The following TMTC3 variants were observed in gnomAD, a reference collection of about 807,000 sequenced individuals.
TMTC3 encodes the protein transmembrane O-mannosyltransferase targeting cadherins 3.
In TMTC3, 52 loss-of-function variants were observed where a neutral mutation model predicts 92.2. The ratio of observed to expected loss-of-function variants is 0.56; its 90% CI spans 0.45 to 0.71. The LOEUF is 0.71. Ranked by LOEUF, TMTC3 falls within the 30% of genes least tolerant of loss-of-function variation. The pLI is 0.00. For synonymous variants in TMTC3, 339 were observed against 363.3 expected, an observed-to-expected ratio of 0.93 and a Z score of 0.76; for missense variants, 896 against 1,057.1, an observed-to-expected ratio of 0.85 and a Z score of 2.11.
chr12:88,174,607 T>C lies in TMTC3; in HGVS notation c.1200T>C (p.Ser400=). The C allele has an allele frequency of 6.2e-7, 1 of 1,604,224 alleles. No homozygotes were observed. The highest frequency in any genetic ancestry group is 8.5e-7 in the Non-Finnish European group (1 of 1,177,022). The change falls in exon 9 of 14, where the codon AGT becomes AGC. Residue 400 remains serine (S), a splice_region_variant and synonymous_variant. Coordinates refer to ENST00000266712, the MANE Select transcript of TMTC3 (RefSeq NM_181783.4). ...GTTTTGCTTTTTTTCTCTTAAACAG[T>C]GTATTTAAAAAGCTATCCTGGATTT... is the stretch of plus-strand genomic sequence containing the variant. ...AHGWQKISTK[S]VFKKLSWICL...
At chr12:88,164,985 A>C (rs1162716545) in intron 6 of TMTC3, among the ~76,000 whole-genome samples, 3 of 152,100 alleles carry the variant, frequency 2.0e-5, no homozygotes, top group African/African-American at 7.2e-5. Flanking sequence ...TTGTTTATAT[A>C]AGACTTCGGA....
intron 8 of TMTC3, chr12:88,173,220 G>T: frequency 3.8e-6 from 2 of 521,996 alleles, no homozygotes; most frequent in Non-Finnish European, 2.9e-6. Context: ...GAACAGCATA[G>T]TCACACTGTA....
intron 10 of TMTC3, among the ~76,000 whole-genome samples, chr12:88,180,318 G>A (rs181772659): frequency 6.6e-6 from 1 of 152,120 alleles, no homozygotes; most frequent in Non-Finnish European, 1.5e-5. Flanking sequence ...AACCCCACTG[G>A]GGGTATGTTA....
At chr12:88,185,348 T>A (rs546826910) in intron 10 of TMTC3, among the ~76,000 whole-genome samples, 1 of 152,082 alleles carries the variant, frequency 6.6e-6, no homozygotes, top group Non-Finnish European at 1.5e-5. Context: ...CTCTTTTTTT[T>A]TTTTCTTGGC....
In TMTC3 at chr12:88,195,697, CAT is replaced by C. The variant is rs1392944455; in HGVS notation, c.*49_*50del. The C allele has an allele frequency of 2.7e-6, 4 of 1,470,572 alleles. No homozygotes were observed. The highest frequency in any genetic ancestry group is 1.4e-5 in the African/African-American group (1 of 70,548). The allele number at this position is 1,470,572 out of a possible 1,614,324, so 91.1% of individuals were successfully genotyped here. A position where few individuals can be genotyped will look rare whatever the true frequency, so the allele number is the denominator to read the frequency against. On this transcript the variant is annotated 3_prime_UTR_variant, in exon 14 of 14. Transcript: ENST00000266712. ...GGTATCAAAGAACATCAATCCGTAT[CAT>C]GTGATTGCTTTTACTGGGAGCTTTG...
rs534360895 is a variant in TMTC3 at position 88,158,010 on chromosome 12, C to T, written c.509-2104C>T. ...TACTGAGAAGCTCTGACTTTAAAAT[C>T]AGAAGAACCATGTTAAAGTCTTGGT... On this transcript the variant is annotated intron_variant, in intron 4 of 13. Transcript: ENST00000266712. Among the ~76,000 whole-genome samples the T allele has an allele frequency of 1.1e-3, 162 of 152,234 alleles. 1 individual carries two copies. Among genetic ancestry groups the T allele is most frequent in the African/African-American group, 3.2e-3 (133 of 41,554 alleles).
intron 1 of TMTC3, among the ~76,000 whole-genome samples, chr12:88,144,812 T>G (rs2138349718): frequency 6.6e-6 from 1 of 152,310 alleles, no homozygotes; most frequent in South Asian, 2.1e-4. Context: ...TAAGTGTGAG[T>G]CAGGAAATTT....
At chr12:88,162,399 C>G (rs1319401080) in intron 6 of TMTC3, among the ~76,000 whole-genome samples, 2 of 152,038 alleles carry the variant, frequency 1.3e-5, no homozygotes, top group Non-Finnish European at 2.9e-5. Flanking sequence ...TTTTTGCCAT[C>G]TTTTCTTTTT....
At position 88,198,947 on chromosome 12, in the gene TMTC3, A is replaced by G. The variant is rs2041548581; in HGVS notation, c.*3298A>G. The G allele has an allele frequency of 1.3e-5, 2 of 152,166 alleles. No individual in the cohort carries two copies. The highest frequency in any genetic ancestry group is 4.8e-5 in the African/African-American group (2 of 41,462). 9.4% of individuals were successfully genotyped at this position (152,166 alleles called of 1,614,324 possible). On this transcript the variant is annotated 3_prime_UTR_variant, in exon 14 of 14. Coordinates refer to ENST00000266712, the MANE Select transcript of TMTC3 (RefSeq NM_181783.4). ...GAGAGTTTATAAGAAAATAATTTAAAATTGTATGCATTTTATATTACTATG... is the reference window on the plus strand; with the variant it reads ...GAGAGTTTATAAGAAAATAATTTAAGATTGTATGCATTTTATATTACTATG...
intron 10 of TMTC3, among the ~76,000 whole-genome samples, chr12:88,176,825 G>T (rs1264188883): frequency 6.6e-6 from 1 of 151,924 alleles, no homozygotes; most frequent in African/African-American, 2.4e-5. Context: ...TTAACATAGA[G>T]TTGTTGTGTG....
chr12:88,192,764 GCT>G lies in TMTC3; in HGVS notation c.1870_1871del (p.Leu624GlyfsTer7). The G allele has an allele frequency of 6.2e-7, 1 of 1,613,332 alleles. No individual in the cohort carries two copies. Among genetic ancestry groups the G allele is most frequent in the African/African-American group, 1.3e-5 (1 of 75,014 alleles). On this transcript the variant is annotated frameshift_variant, in exon 13 of 14. Coordinates refer to ENST00000266712, the MANE Select transcript of TMTC3 (RefSeq NM_181783.4). LOFTEE classifies it high-confidence loss of function. ...PNEALKNFNR[A>X]LELNPKHKLA... Reference sequence around the variant, plus strand: ...TGAAGCCCTAAAAAACTTTAATCGTGCTCTGGAACTAAATCCAAAGCATAAAC... The same window carrying G: ...TGAAGCCCTAAAAAACTTTAATCGTGCTGGAACTAAATCCAAAGCATAAAC...
rs1242396743 is a variant in TMTC3 at position 88,198,048 on chromosome 12, T to TAAAG, written c.*2402_*2405dup. 3 of 314,536 alleles carry TAAAG rather than the reference T, an allele frequency of 9.5e-6. No homozygotes were observed. The highest frequency in any genetic ancestry group is 1.7e-5 in the Non-Finnish European group (3 of 173,800). 19.5% of individuals were successfully genotyped at this position (314,536 alleles called of 1,614,324 possible). On this transcript the variant is annotated 3_prime_UTR_variant, in exon 14 of 14. Coordinates refer to ENST00000266712, the MANE Select transcript of TMTC3 (RefSeq NM_181783.4). ...TAAGTTTTGATGGTTTAAATTCCAC[T>TAAAG]AAAGAACATATTCTTCTAATAACTA... is the stretch of plus-strand genomic sequence containing the variant.
rs185497862 is a variant in TMTC3, at chr12:88,183,981, G to A, written c.1433-4862G>A. Among the ~76,000 whole-genome samples, 815 of 152,128 alleles carry A rather than the reference G, an allele frequency of 5.4e-3. 4 individuals are homozygous for A. Among genetic ancestry groups the A allele is most frequent in the Non-Finnish European group, 8.6e-3 (583 of 67,992 alleles). ...CTTACTGTGCAGTCTCTTAACCTTCGTTTTTGAGGGTTCCATCGCAATCCA... is the reference window on the plus strand; with the variant it reads ...CTTACTGTGCAGTCTCTTAACCTTCATTTTTGAGGGTTCCATCGCAATCCA... On this transcript the variant is annotated intron_variant, in intron 10 of 13. Transcript: ENST00000266712.
intron 10 of TMTC3, among the ~76,000 whole-genome samples, chr12:88,179,813 C>T (rs1015844065): frequency 6.6e-6 from 1 of 152,058 alleles, no homozygotes; most frequent in African/African-American, 2.4e-5. Context: ...TTGTCAACCC[C>T]CGGAGTAGAG....
At chr12:88,145,852 C>T (rs1195431393) in intron 1 of TMTC3, among the ~76,000 whole-genome samples, 1 of 152,110 alleles carries the variant, frequency 6.6e-6, no homozygotes, top group Non-Finnish European at 1.5e-5. Context: ...AGCTTTCACC[C>T]TAATTTTTTC....
chr12:88,151,762 C>T lies in TMTC3; in HGVS notation c.190-1529C>T, dbSNP rs540927008. Among the ~76,000 whole-genome samples, 309 of 152,238 alleles carry T rather than the reference C, an allele frequency of 2.0e-3. 3 individuals are homozygous for T. The highest frequency in any genetic ancestry group is 7.1e-3 in the African/African-American group (294 of 41,538). ...TAGCCACAGTGACATTTCAGGTACT[C>T]GAAGGGTTTCTAGAGTCCTTTTCTA... is the stretch of plus-strand genomic sequence containing the variant. On this transcript the variant is annotated intron_variant, in intron 2 of 13. Transcript: ENST00000266712.
chr12:88,180,480 A>G (rs904459427), intron 10 of TMTC3, among the ~76,000 whole-genome samples: 1 of 152,210 alleles, frequency 6.6e-6, no homozygotes, highest in Admixed American at 6.5e-5. Flanking sequence ...AGAAAAACCA[A>G]TGTCCTATGA....
At chr12:88,160,362 A>G (rs2041062199) in intron 5 of TMTC3, 133 bp downstream of exon 5, 7 of 576,738 alleles carry the variant, frequency 1.2e-5, no homozygotes, top group Middle Eastern at 4.7e-4. Context: ...AATACCAGAA[A>G]TCATGTTTTA....
intron 2 of TMTC3, among the ~76,000 whole-genome samples, chr12:88,148,807 T>G (rs532295258): frequency 1.3e-5 from 2 of 152,190 alleles, no homozygotes; most frequent in African/African-American, 4.8e-5. Context: ...TATTGCGTTA[T>G]GCTGATGTTT....
Sources: allele counts gnomAD v4.1 joint callset (sites outside exome capture counted in the v4.1 genomes callset), GRCh38; gene constraint gnomAD v4.1.1; transcripts MANE v1.5; gene names NCBI Gene and HGNC (gene_info 2026-07-23, HGNC 2026-07-21).